The following RAD54B variants were observed in gnomAD, a reference collection of about 807,000 sequenced individuals.
RAD54B encodes the protein DNA repair and recombination protein RAD54B.
A neutral mutation model predicts 95.8 loss-of-function variants in RAD54B; 78 were observed. That is an observed-to-expected ratio of 0.81 (90% CI 0.68 to 0.98). The LOEUF (loss-of-function observed/expected upper bound fraction) is 0.98, where lower values mean the gene tolerates loss of function less well. Among genes scored for constraint, RAD54B ranks in the 50% least tolerant of loss-of-function variants. RAD54B has a pLI of 0.00. For synonymous variants in RAD54B, 328 were observed against 354.9 expected (o/e 0.92, Z 0.85); for missense variants, 957 against 1,056.6 (o/e 0.91, Z 1.31).
At position 94,391,787 on chromosome 8, in the gene RAD54B, T is replaced by A. The variant is rs756056414; in HGVS notation, c.1631A>T (p.Glu544Val). Residue 544 changes from glutamate (E) to valine (V), a missense_variant, in exon 10 of 15, where the codon GAG becomes GTG. Glu to Val is a moderately radical substitution (Grantham distance 121). Transcript: ENST00000336148. ...TCCTGGTCGGCAAAAGACAACATTC[T>A]CTATTTTAGGTGGGAGATATTTATT... ...IINKYLPPKI[E>V]NVVFCRPGAL... The A allele has an allele frequency of 1.2e-5, 19 of 1,613,974 alleles. No homozygotes were observed. The South Asian group carries it at 2.1e-4, about 18-fold the overall frequency.
rs1586029959 is a variant in RAD54B at position 94,446,787 on chromosome 8, T to C, written c.304+11481A>G. 2.6e-5 allele frequency among the ~76,000 whole-genome samples: 4 copies of C among 151,860 alleles called. No individual in the cohort carries two copies. The South Asian group carries it at 6.2e-4, about 24-fold the overall frequency. On this transcript the variant is annotated intron_variant, in intron 3 of 14. Transcript: ENST00000336148. ...CAGGAGGAGCCAGACCCTCCCAGAGTATGGTTCATAAACTTAGCTAGATGG... is the reference window on the plus strand; with the variant it reads ...CAGGAGGAGCCAGACCCTCCCAGAGCATGGTTCATAAACTTAGCTAGATGG...
At chr8:94,376,682 T>G (rs1413917127) in intron 14 of RAD54B, among the ~76,000 whole-genome samples, 1 of 149,126 alleles carries the variant, frequency 6.7e-6, no homozygotes, top group Non-Finnish European at 1.5e-5. Flanking sequence ...CCATAAATAT[T>G]ATATATTGTT....
intron 7 of RAD54B, among the ~76,000 whole-genome samples, chr8:94,399,961 C>T (rs1303754134): frequency 6.6e-6 from 1 of 151,252 alleles, no homozygotes; most frequent in Non-Finnish European, 1.5e-5. Flanking sequence ...GTTACGGAGG[C>T]ACTAATCTCA....
At chr8:94,456,193 C>G (rs540573673) in intron 3 of RAD54B, among the ~76,000 whole-genome samples, 8 of 152,240 alleles carry the variant, frequency 5.3e-5, no homozygotes, top group African/African-American at 1.9e-4. Context: ...AGTGGTAGAC[C>G]TACATCTTCA....
At chr8:94,446,728 T>C (rs148265968) in intron 3 of RAD54B, among the ~76,000 whole-genome samples, 1 of 152,134 alleles carries the variant, frequency 6.6e-6, no homozygotes, top group African/African-American at 2.4e-5. Context: ...CCTACAAGGA[T>C]GTTGTGTGGC....
chr8:94,441,338 C>T (rs1233910098), intron 3 of RAD54B, among the ~76,000 whole-genome samples: 1 of 152,122 alleles, frequency 6.6e-6, no homozygotes, highest in Non-Finnish European at 1.5e-5. Context: ...GTCTGGGCCT[C>T]CAGAACATCT....
At chr8:94,393,916 T>G (rs746809186) in intron 8 of RAD54B, 34 bp from the exon 9 acceptor site, 2 of 1,544,470 alleles carry the variant, frequency 1.3e-6, no homozygotes, top group Non-Finnish European at 1.7e-6. Context: ...AAAGGTCAAG[T>G]TTGTGTTTTA....
intron 3 of RAD54B, among the ~76,000 whole-genome samples, chr8:94,419,503 C>T (rs1308341855): frequency 6.6e-6 from 1 of 151,244 alleles, no homozygotes; most frequent in African/African-American, 2.4e-5. Flanking sequence ...AGCGAAACTC[C>T]GTCTCAAAAA....
At chr8:94,384,636 T>TA (rs371119791) in intron 11 of RAD54B, among the ~76,000 whole-genome samples, 6 of 152,284 alleles carry the variant, frequency 3.9e-5, no homozygotes, top group Middle Eastern at 3.4e-3. Flanking sequence ...GAATTATACA[T>TA]AAAAAAATGG....
rs927339218 is a variant in RAD54B at position 94,397,335 on chromosome 8, A to T, written c.1378+2079T>A. 2.6e-5 allele frequency among the ~76,000 whole-genome samples: 4 copies of T among 152,278 alleles called. No homozygotes were observed. The East Asian group carries it at 7.7e-4, about 29-fold the overall frequency. ...AAGACTTCATTCAGGCAATTCTAAG[A>T]ATACAGAAACCAACTATGAGTATTT... On this transcript the variant is annotated intron_variant, in intron 8 of 14. Coordinates refer to ENST00000336148, the MANE Select transcript of RAD54B (RefSeq NM_012415.3).
At chr8:94,422,847 T>TA (rs1290680606) in intron 3 of RAD54B, among the ~76,000 whole-genome samples, 1 of 149,008 alleles carries the variant, frequency 6.7e-6, no homozygotes, top group Non-Finnish European at 1.5e-5. Context: ...AGTCTAGATA[T>TA]AGGAGGCTAT....
At chr8:94,453,567 T>G (rs1812715048) in intron 3 of RAD54B, among the ~76,000 whole-genome samples, 2 of 152,018 alleles carry the variant, frequency 1.3e-5, no homozygotes, top group African/African-American at 4.8e-5. Context: ...TCTAAATGCA[T>G]TGACAAAAAG....
intron 12 of RAD54B, among the ~76,000 whole-genome samples, chr8:94,379,177 A>G (rs1356962731): frequency 1.3e-5 from 2 of 152,210 alleles, no homozygotes; most frequent in Non-Finnish European, 2.9e-5. Flanking sequence ...CCTGCCTGAT[A>G]TGAGTGTCTG....
intron 13 of RAD54B, 58 bp downstream of exon 13, chr8:94,378,510 A>C (rs1810653875): frequency 6.7e-7 from 1 of 1,499,530 alleles, no homozygotes; most frequent in Non-Finnish European, 9.1e-7. Flanking sequence ...CAGGCTAACA[A>C]AAAATAATTT....
chr8:94,433,031 A>G (rs1293592472), intron 3 of RAD54B, among the ~76,000 whole-genome samples: 1 of 152,128 alleles, frequency 6.6e-6, no homozygotes, highest in African/African-American at 2.4e-5. Flanking sequence ...ATGCATTCTC[A>G]GTCTTGTTAT....
At chr8:94,416,280 A>T (rs1222822632) in intron 3 of RAD54B, among the ~76,000 whole-genome samples, 2 of 151,526 alleles carry the variant, frequency 1.3e-5, no homozygotes, top group African/African-American at 4.8e-5. Flanking sequence ...AAAACCAAAC[A>T]CCGCATGTTC....
chr8:94,435,800 G>T (rs1049601492), intron 3 of RAD54B, among the ~76,000 whole-genome samples: 1 of 151,722 alleles, frequency 6.6e-6, no homozygotes, highest in African/African-American at 2.4e-5. Flanking sequence ...TTTCCTATAC[G>T]ACCCAAGATC....
chr8:94,429,230 C>T, intron 3 of RAD54B: 1 of 607,984 alleles, frequency 1.6e-6, no homozygotes, highest in Non-Finnish European at 2.1e-6. Flanking sequence ...AAAAAGCAAT[C>T]TTAAACAATG....
At chr8:94,425,391 T>C (rs1811919023) in intron 3 of RAD54B, among the ~76,000 whole-genome samples, 1 of 152,014 alleles carries the variant, frequency 6.6e-6, no homozygotes, top group African/African-American at 2.4e-5. Flanking sequence ...AATACACACA[T>C]TGTTTTCAAT....
Sources: allele counts gnomAD v4.1 joint callset (sites outside exome capture counted in the v4.1 genomes callset), GRCh38; gene constraint gnomAD v4.1.1; transcripts MANE v1.5; gene names NCBI Gene and HGNC (gene_info 2026-07-23, HGNC 2026-07-21).